SLC12A1: variants seen among roughly 807,000 people sequenced by gnomAD.
The protein encoded by SLC12A1 is Na-K-2Cl cotransporter.
SLC12A1 carries 89 observed loss-of-function variants against 130.4 expected under a neutral mutation model. That is an observed-to-expected ratio of 0.68 (90% confidence interval 0.58 to 0.81). The LOEUF (loss-of-function observed/expected upper bound fraction) is 0.81, where lower values mean the gene tolerates loss of function less well. Ranked by LOEUF, SLC12A1 falls within the 40% of genes least tolerant of loss-of-function variation. The pLI is 0.00. For synonymous variants in SLC12A1, 499 were observed against 460.0 expected (o/e 1.08, Z -1.09); for missense variants, 1,310 against 1,336.4 (o/e 0.98, Z 0.31).
At chr15:48,221,767 A>T (rs2041219661) in intron 4 of SLC12A1, among the ~76,000 whole-genome samples, 4 of 152,328 alleles carry the variant, frequency 2.6e-5, no homozygotes, top group South Asian at 4.1e-4. Context: ...AAAAATTAAT[A>T]ATGTTCTATT....
intron 13 of SLC12A1, among the ~76,000 whole-genome samples, chr15:48,249,245 T>C (rs2041619929): frequency 6.7e-6 from 1 of 150,206 alleles, no homozygotes; most frequent in Non-Finnish European, 1.5e-5. Flanking sequence ...ATAACAGTTA[T>C]AGAACACAGG....
At chr15:48,236,208 T>G (rs964740937) in intron 9 of SLC12A1, among the ~76,000 whole-genome samples, 3 of 151,600 alleles carry the variant, frequency 2.0e-5, no homozygotes, top group African/African-American at 7.3e-5. Context: ...TTTTCAAGAC[T>G]CATTAAGAAA....
chr15:48,219,504 C>T lies in SLC12A1; in HGVS notation c.421-1130C>T, dbSNP rs191975859. On this transcript the variant is annotated intron_variant, in intron 2 of 26. Coordinates refer to ENST00000380993, the MANE Select transcript of SLC12A1 (RefSeq NM_000338.3). ...CCAGGAGGTGGAGGTTGCAGTGAGCCGAGTTCATACCACTGCATTCCAGCC... is the reference window on the plus strand; with the variant it reads ...CCAGGAGGTGGAGGTTGCAGTGAGCTGAGTTCATACCACTGCATTCCAGCC... Among the ~76,000 whole-genome samples the T allele has an allele frequency of 2.1e-3, 319 of 151,356 alleles. 9 individuals are homozygous for T. In the South Asian group the frequency reaches 0.04, roughly 19 times the overall value.
Position 48,289,431 on chromosome 15 carries a change from T to TATATATATATATA in SLC12A1, c.2873+915_2873+916insATATATATATATA, listed in dbSNP as rs60463295. ...TATATATATATATATATATATATAATGTATAACTATGTATAACTGTATAAT... is the reference window on the plus strand; with the variant it reads ...TATATATATATATATATATATATAATATATATATATATAGTATAACTATGTATAACTGTATAAT... On this transcript the variant is annotated intron_variant, in intron 23 of 26. Coordinates refer to ENST00000380993, the MANE Select transcript of SLC12A1 (RefSeq NM_000338.3). Among the ~76,000 whole-genome samples, 300 of 122,196 alleles carry TATATATATATATA rather than the reference T, an allele frequency of 2.5e-3. 15 individuals are homozygous for TATATATATATATA. Among genetic ancestry groups the TATATATATATATA allele is most frequent in the Admixed American group, 3.6e-3 (43 of 11,870 alleles). 80.2% of individuals were successfully genotyped at this position (122,196 alleles called of 152,430 possible). A position where few individuals can be genotyped will look rare whatever the true frequency, so the allele number is the denominator to read the frequency against.
At chr15:48,280,107 C>A (rs373238410) in intron 20 of SLC12A1, among the ~76,000 whole-genome samples, 6 of 151,606 alleles carry the variant, frequency 4.0e-5, no homozygotes, top group African/African-American at 1.5e-4. Flanking sequence ...GACTCTCTAT[C>A]CTTAAGATTC....
intron 9 of SLC12A1, among the ~76,000 whole-genome samples, chr15:48,239,901 T>C (rs2041483288): frequency 6.6e-6 from 1 of 151,678 alleles, no homozygotes; most frequent in African/African-American, 2.4e-5. Context: ...TCTGCCCGCC[T>C]TGGCCTCCCA....
Position 48,259,257 on chromosome 15 carries a change from A to G in SLC12A1, c.2100A>G (p.Ile700Met). ...TGACAAGACCTGCTCTCCTGGACAT[A>G]ACTCACGCCTTTACCAAGAACAGTG... The part of the protein sequence containing the change: ...GPMTRPALLD[I>M]THAFTKNSGL... Residue 700 changes from isoleucine to methionine, a missense_variant, in exon 17 of 27, where the codon ATA (isoleucine) becomes ATG (methionine). Transcript: ENST00000380993. 1 of 1,613,842 alleles carries G rather than the reference A, an allele frequency of 6.2e-7. No individual in the cohort carries two copies. The highest frequency in any genetic ancestry group is 1.1e-5 in the South Asian group (1 of 91,060).
Position 48,229,284 on chromosome 15 carries a change from A to G in SLC12A1, c.820A>G (p.Met274Val). ...TTTTGCTAATGCAGTGGCTGTTGCT[A>G]TGTATGTGGTGGGATTTGCTGAGAC... is the stretch of plus-strand genomic sequence containing the variant. ...FAFANAVAVA[M>V]YVVGFAETVV... Residue 274 changes from methionine to valine, a missense_variant, in exon 6 of 27, where the codon ATG becomes GTG. Coordinates refer to ENST00000380993, the MANE Select transcript of SLC12A1 (RefSeq NM_000338.3). The G allele has an allele frequency of 6.2e-7, 1 of 1,605,488 alleles. No homozygotes were observed. The highest frequency in any genetic ancestry group is 8.5e-7 in the Non-Finnish European group (1 of 1,175,690).
intron 26 of SLC12A1, among the ~76,000 whole-genome samples, chr15:48,302,399 T>C (rs1452662930): frequency 6.6e-6 from 1 of 151,544 alleles, no homozygotes; most frequent in Non-Finnish European, 1.5e-5. Flanking sequence ...GGCGGGTGGA[T>C]CATGAGGTCA....
Position 48,207,972 on chromosome 15 carries a change from A to G in SLC12A1, c.253A>G (p.Ser85Gly), listed in dbSNP as rs1308130337. The change falls in exon 2 of 27, where the codon AGT (serine) becomes GGT (glycine). Residue 85 changes from serine (S) to glycine (G), a missense_variant. Ser to Gly is a moderately conservative substitution (Grantham distance 56). Transcript: ENST00000380993. ...QSGETAKTDASFHAYDSHTNT... is the reference protein window; with the variant it reads ...QSGETAKTDAGFHAYDSHTNT... ...TGGAGAAACTGCTAAAACAGATGCC[A>G]GTTTTCACGCTTATGATTCTCACAC... 1.9e-6 allele frequency: 3 copies of G among 1,613,914 alleles called. No homozygotes were observed. The highest frequency in any genetic ancestry group is 2.5e-6 in the Non-Finnish European group (3 of 1,179,902).
At chr15:48,211,217 T>G (rs753269908) in intron 2 of SLC12A1, among the ~76,000 whole-genome samples, 1 of 152,206 alleles carries the variant, frequency 6.6e-6, no homozygotes, top group Admixed American at 6.5e-5. Context: ...AACCACAGAA[T>G]CTACAATGTG....
chr15:48,264,728 A>C (rs35275327), intron 17 of SLC12A1, among the ~76,000 whole-genome samples: 1 of 152,190 alleles, frequency 6.6e-6, no homozygotes, highest in Non-Finnish European at 1.5e-5. Context: ...TAAGACTTTC[A>C]ATGTTAAAAA....
At chr15:48,272,491 A>G (rs1290072049) in intron 19 of SLC12A1, among the ~76,000 whole-genome samples, 1 of 152,106 alleles carries the variant, frequency 6.6e-6, no homozygotes, top group Non-Finnish European at 1.5e-5. Flanking sequence ...CAGTGGCACA[A>G]TCTTGGCTCA....
At chr15:48,293,500 C>G (rs1176824118) in intron 24 of SLC12A1, among the ~76,000 whole-genome samples, 1 of 152,150 alleles carries the variant, frequency 6.6e-6, no homozygotes, top group Non-Finnish European at 1.5e-5. Context: ...TGTCAGATCT[C>G]TTCCCTTTTC....
intron 4 of SLC12A1, chr15:48,225,319 A>G (rs2041270522): frequency 6.6e-6 from 1 of 152,214 alleles, no homozygotes; most frequent in Non-Finnish European, 1.5e-5. Flanking sequence ...CTATGTGACC[A>G]AATGTACATA....
chr15:48,247,139 G>A (rs2041592156), intron 12 of SLC12A1, 123 bp downstream of exon 12: 1 of 984,104 alleles, frequency 1.0e-6, no homozygotes, highest in Admixed American at 1.9e-5. Context: ...GTTAATGTTT[G>A]CATCTGGCTC....
chr15:48,251,788 T>G lies in SLC12A1; in HGVS notation c.1942+18T>G. ...GAAGCCAGGTAAGATAATGACTGTCTGGAATAGCGTTTCCAAATCTCTCTC... is the reference window on the plus strand; with the variant it reads ...GAAGCCAGGTAAGATAATGACTGTCGGGAATAGCGTTTCCAAATCTCTCTC... On this transcript the variant is annotated intron_variant, in intron 15 of 26. Coordinates refer to ENST00000380993, the MANE Select transcript of SLC12A1 (RefSeq NM_000338.3). 1.9e-6 allele frequency: 3 copies of G among 1,608,624 alleles called. No individual in the cohort carries two copies. The highest frequency in any genetic ancestry group is 2.6e-6 in the Non-Finnish European group (3 of 1,176,194).
chr15:48,262,622 C>A (rs543209878), intron 17 of SLC12A1, among the ~76,000 whole-genome samples: 1 of 152,060 alleles, frequency 6.6e-6, no homozygotes, highest in Non-Finnish European at 1.5e-5. Context: ...AATTTGGGGA[C>A]CCATTCTAAA....
At position 48,259,060 on chromosome 15, in the gene SLC12A1, C is replaced by G. The variant is rs1251796636; in HGVS notation, c.2043-140C>G. ...AGACAGGCAGGATGATTCAAGAATA[C>G]TGGTGCGAAACCCAAAAAATAGATA... is the stretch of plus-strand genomic sequence containing the variant. On this transcript the variant is annotated intron_variant, in intron 16 of 26. Coordinates refer to ENST00000380993, the MANE Select transcript of SLC12A1 (RefSeq NM_000338.3). 4 of 603,556 alleles carry G rather than the reference C, an allele frequency of 6.6e-6. No homozygotes were observed. The African/African-American group carries it at 7.4e-5, about 11-fold the overall frequency. 37.4% of individuals were successfully genotyped at this position (603,556 alleles called of 1,614,324 possible). A position where few individuals can be genotyped will look rare whatever the true frequency, so the allele number is the denominator to read the frequency against.
Sources: allele counts gnomAD v4.1 joint callset (sites outside exome capture counted in the v4.1 genomes callset), GRCh38; gene constraint gnomAD v4.1.1; transcripts MANE v1.5; gene names NCBI Gene and HGNC (gene_info 2026-07-23, HGNC 2026-07-21).